The following CNOT1 variants were observed in gnomAD, a reference collection of about 807,000 sequenced individuals.
The protein encoded by CNOT1 is CCR4-associated factor 1.
A neutral mutation model predicts 273.8 loss-of-function variants in CNOT1; 15 were observed. That is an observed-to-expected ratio of 0.05 (90% CI 0.04 to 0.08). The LOEUF is 0.08. Ranked by LOEUF, CNOT1 falls within the 10% of genes least tolerant of loss-of-function variation. The pLI is 1.00. For synonymous variants in CNOT1, 1,022 were observed against 1,005.5 expected (o/e 1.02, Z -0.31); for missense variants, 1,644 against 2,912.2 (o/e 0.56, Z 10.02).
At chr16:58,565,208 G>A (rs1371369502) in intron 16 of CNOT1, among the ~76,000 whole-genome samples, 1 of 152,102 alleles carries the variant, frequency 6.6e-6, no homozygotes, top group Non-Finnish European at 1.5e-5. Context: ...TGCCTCCTGA[G>A]TTCAGATGAT....
At chr16:58,596,036 C>T (rs1439697055) in intron 2 of CNOT1, among the ~76,000 whole-genome samples, 3 of 152,200 alleles carry the variant, frequency 2.0e-5, no homozygotes, top group African/African-American at 7.2e-5. Context: ...ACAATTTTCA[C>T]ATAAAAACTG....
At chr16:58,587,991 T>TATCAAAATCGGCTCTTTAAAAATC in intron 3 of CNOT1, 113 bp from the exon 4 acceptor site, 1 of 1,072,990 alleles carries the variant, frequency 9.3e-7, no homozygotes, top group Non-Finnish European at 1.3e-6. Context: ...TGTTATATAT[T>TATCAAAATCGGCTCTTTAAAAATC]ATCAAAATCG....
chr16:58,615,024 T>TA (rs11390025), intron 1 of CNOT1, among the ~76,000 whole-genome samples: 61,207 of 107,214 alleles, frequency 0.57, 23,267 homozygotes, highest in Middle Eastern at 0.73. Flanking sequence ...CTTTGCTATT[T>TA]AAAAAAAAAA....
intron 8 of CNOT1, 58 bp from the exon 9 acceptor site, chr16:58,583,240 A>G: frequency 6.3e-7 from 1 of 1,592,616 alleles, no homozygotes; most frequent in South Asian, 1.1e-5. Context: ...GAGATTGAGA[A>G]ATTCTGGCAT....
chr16:58,548,298 G>C (rs966573618), intron 25 of CNOT1, among the ~76,000 whole-genome samples: 1 of 152,038 alleles, frequency 6.6e-6, no homozygotes, highest in East Asian at 1.9e-4. Flanking sequence ...TCTAAGGGGG[G>C]GCAGAACTAA....
Position 58,585,430 on chromosome 16 carries a change from C to T in CNOT1, c.714G>A (p.Arg238=). The stretch of plus-strand genomic sequence containing the variant: ...CTACCCCTCCGGAATCAGGCAGGAT[C>T]CTGTCCATTAGAATGTCCCGTTTTT... The part of the protein sequence containing the change: ...YPEKRDILMD[R]ILPDSGGVAK... The change falls in exon 8 of 49, where the codon AGG becomes AGA. Residue 238 remains arginine (R), a synonymous_variant. Coordinates refer to ENST00000317147, the MANE Select transcript of CNOT1 (RefSeq NM_016284.5). The T allele has an allele frequency of 6.2e-7, 1 of 1,613,836 alleles. No individual in the cohort carries two copies. The highest frequency in any genetic ancestry group is 8.5e-7 in the Non-Finnish European group (1 of 1,180,000).
At chr16:58,567,039 A>G (rs1386602220) in intron 16 of CNOT1, among the ~76,000 whole-genome samples, 1 of 152,140 alleles carries the variant, frequency 6.6e-6, no homozygotes, top group East Asian at 1.9e-4. Flanking sequence ...CTATAGGACC[A>G]CCTACTCACA....
chr16:58,620,966 TAGAA>T (rs1301598976), intron 1 of CNOT1, among the ~76,000 whole-genome samples: 1 of 152,104 alleles, frequency 6.6e-6, no homozygotes, highest in East Asian at 1.9e-4. Context: ...GGAGATTAGT[TAGAA>T]AGTTATTTCA....
chr16:58,523,283 T>G, intron 47 of CNOT1, 87 bp downstream of exon 47: 1 of 1,383,262 alleles, frequency 7.2e-7, no homozygotes, highest in Non-Finnish European at 9.7e-7. Flanking sequence ...GGATTTTCAC[T>G]GAACACTGAA....
Position 58,521,091 on chromosome 16 carries a change from C to T in CNOT1, c.7053-55G>A. ...GATTAAAGAGTAGGCCTAACAATAC[C>T]TTGCATCTCATTCAGCTGACCCAAC... On this transcript the variant is annotated intron_variant, in intron 48 of 48. Coordinates refer to ENST00000317147, the MANE Select transcript of CNOT1 (RefSeq NM_016284.5). 3.1e-6 allele frequency: 5 copies of T among 1,613,462 alleles called. No homozygotes were observed. The Admixed American group carries it at 8.3e-5, about 27-fold the overall frequency.
intron 2 of CNOT1, among the ~76,000 whole-genome samples, chr16:58,595,849 T>C (rs965027672): frequency 5.9e-5 from 9 of 152,180 alleles, no homozygotes; most frequent in African/African-American, 2.2e-4. Flanking sequence ...GGCCAGAATT[T>C]CTAAAACAGG....
chr16:58,570,876 A>G (rs1740197419), intron 16 of CNOT1, among the ~76,000 whole-genome samples: 1 of 150,390 alleles, frequency 6.6e-6, no homozygotes, highest in Admixed American at 6.7e-5. Context: ...ACACTACAAA[A>G]TATCTATTTA....
chr16:58,538,258 AT>A lies in CNOT1; in HGVS notation c.5143del (p.Ile1715LeufsTer17). 1 of 1,284,570 alleles carries A rather than the reference AT, an allele frequency of 7.8e-7. No homozygotes were observed. Among genetic ancestry groups the A allele is most frequent in the Non-Finnish European group, 1.1e-6 (1 of 879,114 alleles). The allele number at this position is 1,284,570 out of a possible 1,614,324, so 79.6% of individuals were successfully genotyped here. A position where few individuals can be genotyped will look rare whatever the true frequency, so the allele number is the denominator to read the frequency against. On this transcript the variant is annotated frameshift_variant, in exon 37 of 49. Transcript: ENST00000317147. LOFTEE classifies it high-confidence loss of function. ...ATATTTATATTCATCTCGACATTCA[AT>A]TAGGCACCTAGAAAAAGTTCAATAT... is the stretch of plus-strand genomic sequence containing the variant. ...WCNKQITRCL[I>X]ECRDEYKYNV... is the part of the protein sequence containing the mutation.
At chr16:58,536,016 G>C (rs148369146) in intron 39 of CNOT1, among the ~76,000 whole-genome samples, 3 of 152,192 alleles carry the variant, frequency 2.0e-5, no homozygotes, top group Non-Finnish European at 4.4e-5. Context: ...TTACAGGCGT[G>C]AGCCACAGCA....
chr16:58,530,425 A>C, intron 42 of CNOT1, 78 bp from the exon 43 acceptor site: 1 of 930,662 alleles, frequency 1.1e-6, no homozygotes, highest in Non-Finnish European at 1.7e-6. Context: ...AAGCAGCTAC[A>C]CTGACTTATC....
At chr16:58,591,907 T>C (rs2042071746) in intron 2 of CNOT1, among the ~76,000 whole-genome samples, 1 of 152,084 alleles carries the variant, frequency 6.6e-6, no homozygotes, top group Admixed American at 6.6e-5. Flanking sequence ...TCCATATAAT[T>C]TTCGAAATCT....
In CNOT1 at chr16:58,585,552, A is replaced by G. The variant is rs1208547149; in HGVS notation, c.638-46T>C. On this transcript the variant is annotated intron_variant, in intron 7 of 48. Transcript: ENST00000317147. ...CAACTGCTATACTAATTAAAAACAA[A>G]CAATCCTCTTTTGCTCTATCCAAAA... 5.0e-6 allele frequency: 8 copies of G among 1,584,562 alleles called. No homozygotes were observed. The South Asian group carries it at 9.2e-5, about 18-fold the overall frequency.
chr16:58,543,369 G>A lies in CNOT1; in HGVS notation c.4434+238C>T, dbSNP rs532462376. ...AATTTATTTAAACCAACAAATATTT[G>A]GGTATCTACTATCTGTCAAACATCG... On this transcript the variant is annotated intron_variant, in intron 31 of 48. Transcript: ENST00000317147. 5.4e-5 allele frequency: 83 copies of A among 1,545,112 alleles called. No homozygotes were observed. The South Asian group carries it at 9.8e-4, about 18-fold the overall frequency.
chr16:58,551,258 A>G lies in CNOT1; in HGVS notation c.3216T>C (p.Thr1072=). 6.3e-7 allele frequency: 1 copy of G among 1,575,482 alleles called. No homozygotes were observed. ...FKKDVPPSIN[T]TNIDTLLVAT... is the part of the protein sequence containing the mutation. ...CCACAAGCAACGTATCTATATTTGT[A>G]GTATTAATAGAAGGCTAAAAAAAAA... is the stretch of plus-strand genomic sequence containing the variant. The change falls in exon 24 of 49, where the codon ACT becomes ACC. Residue 1072 remains threonine (T), a synonymous_variant. Transcript: ENST00000317147.
Sources: allele counts gnomAD v4.1 joint callset (sites outside exome capture counted in the v4.1 genomes callset), GRCh38; gene constraint gnomAD v4.1.1; transcripts MANE v1.5; gene names NCBI Gene and HGNC (gene_info 2026-07-23, HGNC 2026-07-21).